Variants in ANO3 observed in about 807,000 individuals in gnomAD.
ANO3 encodes anoctamin-3.
A neutral mutation model predicts 144.8 loss-of-function variants in ANO3; 99 were observed. That is an observed-to-expected ratio of 0.68 (90% CI 0.58 to 0.81). ANO3 has a LOEUF of 0.81. ANO3 is among the 30% of genes least tolerant of loss of function. The probability of loss-of-function intolerance (pLI) is 0.00; values close to 1 mark genes in which losing one functional copy is unlikely to be tolerated. For missense variants in ANO3, 905 were observed against 1,202.2 expected, an observed-to-expected ratio of 0.75 and a Z score of 3.66; for synonymous variants, 414 against 392.6, an observed-to-expected ratio of 1.05 and a Z score of -0.64.
intron 26 of ANO3, among the ~76,000 whole-genome samples, chr11:26,657,509 T>G (rs527859460): frequency 1.3e-5 from 2 of 152,220 alleles, no homozygotes; most frequent in East Asian, 3.9e-4. Flanking sequence ...GTTAATAGAG[T>G]GCATGGATTC....
intron 14 of ANO3, among the ~76,000 whole-genome samples, chr11:26,564,465 C>A (rs1476726753): frequency 2.0e-5 from 3 of 149,300 alleles, no homozygotes; most frequent in Admixed American, 6.7e-5. Context: ...ATACATTAGA[C>A]CTCAAAAAAC....
chr11:26,306,496 C>T (rs970682892), upstream of ANO3, among the ~76,000 whole-genome samples: 1 of 151,436 alleles, frequency 6.6e-6, no homozygotes, highest in South Asian at 2.1e-4. Flanking sequence ...GAGACCTCGT[C>T]TCTACAAAAA....
chr11:26,305,817 G>T (rs564402805), upstream of ANO3, among the ~76,000 whole-genome samples: 1 of 152,220 alleles, frequency 6.6e-6, no homozygotes, highest in East Asian at 1.9e-4. Flanking sequence ...TGTAGGGCTC[G>T]CTCATTATGG....
intron 1 of ANO3, among the ~76,000 whole-genome samples, chr11:26,441,310 G>A (rs994818847): frequency 2.6e-5 from 4 of 151,096 alleles, no homozygotes; most frequent in Non-Finnish European, 5.9e-5. Context: ...GTAGAGACGG[G>A]GTTTCACCGT....
chr11:26,594,249 G>C (rs920551642), intron 14 of ANO3, among the ~76,000 whole-genome samples: 1 of 152,088 alleles, frequency 6.6e-6, no homozygotes, highest in African/African-American at 2.4e-5. Flanking sequence ...TCCCAATGAG[G>C]GTCTACACTG....
intron 1 of ANO3, among the ~76,000 whole-genome samples, chr11:26,239,442 T>C (rs1055910791): frequency 6.6e-6 from 1 of 152,134 alleles, no homozygotes; most frequent in Non-Finnish European, 1.5e-5. Flanking sequence ...TCCCCTGCCT[T>C]CACAACTCTC....
intron 4 of ANO3, among the ~76,000 whole-genome samples, chr11:26,498,499 A>G (rs185846901): frequency 1.3e-4 from 19 of 150,880 alleles, no homozygotes; most frequent in Admixed American, 9.9e-4. Flanking sequence ...TTATGAATAT[A>G]GTCATATATT....
At chr11:26,369,164 C>T (rs904015189) in intron 1 of ANO3, among the ~76,000 whole-genome samples, 1 of 151,850 alleles carries the variant, frequency 6.6e-6, no homozygotes, top group Non-Finnish European at 1.5e-5. Context: ...GCATGCATGC[C>T]TATGTGTGTG....
At chr11:26,521,372 C>T (rs189591212) in intron 6 of ANO3, among the ~76,000 whole-genome samples, 5 of 152,244 alleles carry the variant, frequency 3.3e-5, no homozygotes, top group East Asian at 3.9e-4. Flanking sequence ...TCATATTTAA[C>T]GAAGTTACAA....
intron 1 of ANO3, among the ~76,000 whole-genome samples, chr11:26,254,408 A>G (rs1240092664): frequency 1.3e-5 from 2 of 152,174 alleles, no homozygotes; most frequent in Non-Finnish European, 2.9e-5. Context: ...CTTGTTTTTG[A>G]AATGACCATA....
rs1316494888 is a variant in ANO3, at chr11:26,363,515, C to T, written c.46+31194C>T. On this transcript the variant is annotated intron_variant, in intron 1 of 26. Coordinates refer to ENST00000256737, the MANE Select transcript of ANO3 (RefSeq NM_031418.4). Reference sequence around the variant, plus strand: ...TGCACATCCCTTGGTGTCTGTTCCTCTTATCAGGACACCAGTCATGCTGGA... The same window carrying T: ...TGCACATCCCTTGGTGTCTGTTCCTTTTATCAGGACACCAGTCATGCTGGA... Among the ~76,000 whole-genome samples, 4 of 152,146 alleles carry T rather than the reference C, an allele frequency of 2.6e-5. No homozygotes were observed. In the South Asian group the frequency reaches 8.3e-4, roughly 32 times the overall value.
At chr11:26,611,956 A>G (rs1590630437) in intron 17 of ANO3, among the ~76,000 whole-genome samples, 1 of 152,054 alleles carries the variant, frequency 6.6e-6, no homozygotes, top group Non-Finnish European at 1.5e-5. Flanking sequence ...TTTGCATGGA[A>G]TATCTTTTTC....
intron 1 of ANO3, among the ~76,000 whole-genome samples, chr11:26,347,991 A>T (rs1181913199): frequency 6.6e-6 from 1 of 152,212 alleles, no homozygotes; most frequent in Non-Finnish European, 1.5e-5. Context: ...AAGGTGAAGA[A>T]AAAAGGTATA....
In ANO3 at chr11:26,246,990, A is replaced by T. The variant is rs116991323; in HGVS notation, c.154+57660A>T. ...TAGCAGCATGAGAATGGACTAAAAC[A>T]ATAATATATAAAATATTACTATATT... On this transcript the variant is annotated intron_variant, in intron 1 of 27. Transcript: ENST00000672621. 3.9e-3 allele frequency among the ~76,000 whole-genome samples: 596 copies of T among 152,354 alleles called. 5 individuals are homozygous for T. Among genetic ancestry groups the T allele is most frequent in the Middle Eastern group, 0.014 (4 of 294 alleles).
At chr11:26,638,199 C>G (rs554287027) in intron 20 of ANO3, among the ~76,000 whole-genome samples, 2 of 152,036 alleles carry the variant, frequency 1.3e-5, no homozygotes, top group African/African-American at 4.8e-5. Context: ...CTTAGTGGCT[C>G]CCTTCTAAAA....
At chr11:26,327,403 C>T (rs896490972), upstream of ANO3, among the ~76,000 whole-genome samples, 2 of 152,176 alleles carry the variant, frequency 1.3e-5, no homozygotes, top group Non-Finnish European at 2.9e-5. Context: ...CTACATCTAA[C>T]TGGCTTTGTA....
At chr11:26,460,023 A>G (rs1429256479) in intron 3 of ANO3, 1 of 436,398 alleles carries the variant, frequency 2.3e-6, no homozygotes, top group African/African-American at 2.0e-5. Context: ...TCCATGATCC[A>G]AACACTTCCC....
At chr11:26,518,118 C>G (rs920464227) in intron 6 of ANO3, among the ~76,000 whole-genome samples, 2 of 151,892 alleles carry the variant, frequency 1.3e-5, no homozygotes, top group African/African-American at 4.8e-5. Context: ...ATATTCTTTC[C>G]AATTCCTCAG....
intron 1 of ANO3, among the ~76,000 whole-genome samples, chr11:26,420,849 C>T (rs1327598936): frequency 2.6e-5 from 4 of 152,004 alleles, no homozygotes; most frequent in African/African-American, 9.7e-5. Context: ...TACCAGGACT[C>T]TCTTACAATG....
Sources: allele counts gnomAD v4.1 joint callset (sites outside exome capture counted in the v4.1 genomes callset), GRCh38; gene constraint gnomAD v4.1.1; transcripts MANE v1.5; gene names NCBI Gene and HGNC (gene_info 2026-07-23, HGNC 2026-07-21).